The following FOCAD variants were observed in gnomAD, a reference collection of about 807,000 sequenced individuals.
FOCAD encodes the protein focadhesin, also known as KIAA1797.
Under a neutral mutation model 225.6 loss-of-function variants are expected in FOCAD, and 198 were observed. The observed-to-expected ratio is 0.88, with a 90% CI of 0.78 to 0.99. The LOEUF is 0.99. FOCAD is among the 50% of genes least tolerant of loss of function. The probability of loss-of-function intolerance (pLI) is 0.00; values close to 1 mark genes in which losing one functional copy is unlikely to be tolerated. For missense variants in FOCAD, 2,713 were observed against 2,123.6 expected, an observed-to-expected ratio of 1.28 and a Z score of -5.46; for synonymous variants, 897 against 755.0, an observed-to-expected ratio of 1.19 and a Z score of -3.08.
chr9:20,804,368 A>C (rs973963945), intron 11 of FOCAD, among the ~76,000 whole-genome samples: 7 of 151,948 alleles, frequency 4.6e-5, no homozygotes, highest in Admixed American at 1.3e-4. Flanking sequence ...GTTTTAAAGC[A>C]CTCAGTGAAC....
chr9:20,717,720 C>G, intron 2 of FOCAD, 74 bp from the exon 3 acceptor site: 7 of 1,147,728 alleles, frequency 6.1e-6, no homozygotes, highest in African/African-American at 1.5e-5. Flanking sequence ...GCCTGGCATA[C>G]TCATATCAAC....
intron 15 of FOCAD, among the ~76,000 whole-genome samples, chr9:20,847,739 C>G (rs1429464551): frequency 6.6e-6 from 1 of 151,918 alleles, no homozygotes; most frequent in African/African-American, 2.4e-5. Flanking sequence ...CCAAGTTTCC[C>G]TGTAAAACGA....
At chr9:20,754,757 G>A (rs1373369829) in intron 5 of FOCAD, among the ~76,000 whole-genome samples, 1 of 152,110 alleles carries the variant, frequency 6.6e-6, no homozygotes, top group Non-Finnish European at 1.5e-5. Flanking sequence ...CAGGGATGCT[G>A]CCAAGCATTC....
intron 35 of FOCAD, among the ~76,000 whole-genome samples, chr9:20,969,057 T>C (rs1003014265): frequency 6.6e-6 from 1 of 152,174 alleles, no homozygotes; most frequent in African/African-American, 2.4e-5. Context: ...CTTTTTTACT[T>C]TCCATTTATT....
At chr9:20,765,119 G>C in intron 7 of FOCAD, 46 bp downstream of exon 7, 7 of 1,526,866 alleles carry the variant, frequency 4.6e-6, no homozygotes, top group East Asian at 2.3e-5. Context: ...GCATCAGTAA[G>C]TGTTGTTATT....
intron 35 of FOCAD, among the ~76,000 whole-genome samples, chr9:20,971,811 A>G (rs141604002): frequency 0.017 from 2,644 of 151,960 alleles, 39 homozygotes; most frequent in Non-Finnish European, 0.028. Context: ...TTTTTCTATG[A>G]ATTTGACTAC....
At chr9:20,799,830 G>T (rs1187991951) in intron 11 of FOCAD, among the ~76,000 whole-genome samples, 2 of 152,052 alleles carry the variant, frequency 1.3e-5, no homozygotes, top group Non-Finnish European at 2.9e-5. Context: ...TTTAATTGGA[G>T]CATTTAGCCC....
intron 11 of FOCAD, among the ~76,000 whole-genome samples, chr9:20,795,503 G>C (rs957724499): frequency 1.8e-4 from 27 of 150,524 alleles, no homozygotes; most frequent in African/African-American, 6.6e-4. Context: ...AGCATGTTTT[G>C]GGCCGGGCAC....
At chr9:20,721,892 CCCCT>C (rs1825802231) in intron 4 of FOCAD, among the ~76,000 whole-genome samples, 15 of 62,746 alleles carry the variant, frequency 2.4e-4, no homozygotes, top group South Asian at 1.0e-3. Flanking sequence ...CCCCTTCCTC[CCCCT>C]CCCCTCCCTT....
At chr9:20,819,055 G>A (rs2131405025) in intron 11 of FOCAD, among the ~76,000 whole-genome samples, 1 of 152,242 alleles carries the variant, frequency 6.6e-6, no homozygotes, top group Non-Finnish European at 1.5e-5. Flanking sequence ...TGAGGACTTA[G>A]AGGGAAATTT....
chr9:20,749,656 A>G (rs1305759789), intron 5 of FOCAD, among the ~76,000 whole-genome samples: 1 of 152,184 alleles, frequency 6.6e-6, no homozygotes, highest in Non-Finnish European at 1.5e-5. Flanking sequence ...CCAGGGTCAC[A>G]GCTGCATACA....
intron 18 of FOCAD, among the ~76,000 whole-genome samples, chr9:20,873,662 T>C (rs1342988655): frequency 6.7e-6 from 1 of 149,588 alleles, no homozygotes; most frequent in Admixed American, 6.7e-5. Flanking sequence ...GTTGAAAGGC[T>C]TCATTGGAGT....
chr9:20,665,866 A>C (rs1821884423), intron 2 of FOCAD, among the ~76,000 whole-genome samples: 1 of 151,828 alleles, frequency 6.6e-6, no homozygotes. Flanking sequence ...CCCTGTCTCT[A>C]CTAAAAATAC....
At chr9:20,884,124 A>C (rs767551831) in intron 20 of FOCAD, among the ~76,000 whole-genome samples, 10 of 152,178 alleles carry the variant, frequency 6.6e-5, no homozygotes, top group Non-Finnish European at 1.2e-4. Flanking sequence ...TCTTTAATTG[A>C]AATTTTTAAA....
At chr9:20,864,016 C>T (rs900762393) in intron 16 of FOCAD, among the ~76,000 whole-genome samples, 10 of 151,942 alleles carry the variant, frequency 6.6e-5, no homozygotes, top group East Asian at 1.9e-4. Flanking sequence ...GTTGTTCAGA[C>T]GGACTGCTTT....
intron 2 of FOCAD, among the ~76,000 whole-genome samples, chr9:20,676,202 G>T (rs145817220): frequency 2.5e-3 from 380 of 152,288 alleles, no homozygotes; most frequent in African/African-American, 8.8e-3. Flanking sequence ...GTGTGTTTCT[G>T]ACCCAGAAGT....
intron 17 of FOCAD, among the ~76,000 whole-genome samples, chr9:20,866,258 CCTTTCCT>C (rs1347617047): frequency 2.6e-4 from 37 of 145,028 alleles, no homozygotes; most frequent in Middle Eastern, 3.6e-3. Flanking sequence ...TGGTCTTTCC[CCTTTCCT>C]GCTTTGCCCC....
chr9:20,737,121 TC>T (rs1423992839), intron 4 of FOCAD, among the ~76,000 whole-genome samples: 10 of 152,156 alleles, frequency 6.6e-5, no homozygotes, highest in African/African-American at 1.9e-4. Flanking sequence ...GACTCCGTTA[TC>T]TACACAATAA....
At chr9:20,857,127 T>C (rs981445788) in intron 15 of FOCAD, among the ~76,000 whole-genome samples, 3 of 152,186 alleles carry the variant, frequency 2.0e-5, no homozygotes, top group East Asian at 1.9e-4. Flanking sequence ...CTGTGAAGAA[T>C]GTAATTGTTA....
Sources: gnomAD v4.1 joint callset for allele counts (sites outside exome capture counted in the v4.1 genomes callset) on GRCh38, gnomAD v4.1.1 for gene constraint, MANE v1.5 for transcripts, NCBI Gene and HGNC (gene_info 2026-07-23, HGNC 2026-07-21) for gene names.